ZFYVE28: variants seen among roughly 807,000 people sequenced by gnomAD.
ZFYVE28 encodes zinc finger FYVE-type containing 28.
A neutral mutation model predicts 82.1 loss-of-function variants in ZFYVE28; 40 were observed. That is an observed-to-expected ratio of 0.49 (90% CI 0.38 to 0.63). The LOEUF (loss-of-function observed/expected upper bound fraction) is 0.63. Among genes scored for constraint, ZFYVE28 ranks in the 30% least tolerant of loss-of-function variants. The pLI, the probability that ZFYVE28 is intolerant of heterozygous loss-of-function variation, is 0.00. For synonymous variants in ZFYVE28, 612 were observed against 546.1 expected, an observed-to-expected ratio of 1.12 and a Z score of -1.68; for missense variants, 1,321 against 1,242.1, an observed-to-expected ratio of 1.06 and a Z score of -0.96.
intron 1 of ZFYVE28, chr4:2,365,020 G>A (rs1726695523): frequency 4.1e-6 from 2 of 487,322 alleles, no homozygotes; most frequent in Non-Finnish European, 5.3e-6. Flanking sequence ...CCCCGCACGC[G>A]GAAGTGGGGG....
At chr4:2,318,174 C>T (rs1286596350) in intron 7 of ZFYVE28, among the ~76,000 whole-genome samples, 3 of 152,182 alleles carry the variant, frequency 2.0e-5, no homozygotes, top group Non-Finnish European at 2.9e-5. Flanking sequence ...GAAGAACAGC[C>T]AAGTAGACTG....
chr4:2,313,653 G>A (rs894891272), intron 7 of ZFYVE28, among the ~76,000 whole-genome samples: 8 of 152,084 alleles, frequency 5.3e-5, no homozygotes, highest in Non-Finnish European at 5.9e-5. Flanking sequence ...ATCATTTGAG[G>A]TCAGGAGTTC....
chr4:2,271,340 G>A lies in ZFYVE28; in HGVS notation c.2503C>T (p.Arg835Trp), dbSNP rs369109308. ...ACKAPFTVIR[R>W]KHHCRSCGKI... Reference sequence around the variant, plus strand: ...CCACAGCTGCGGCAGTGGTGCTTCCGGCGGATGACGGTGAAGGGTGCTTTG... The same window carrying A: ...CCACAGCTGCGGCAGTGGTGCTTCCAGCGGATGACGGTGAAGGGTGCTTTG... The change falls in exon 12 of 13, where the codon CGG becomes TGG. Residue 835 changes from arginine to tryptophan, a missense_variant. Arg to Trp is a moderately radical substitution (Grantham distance 101). This residue lies in a region of ZFYVE28 where 978 missense variants were observed against 833.7 expected (regional missense o/e 1.17). Coordinates refer to ENST00000290974, the MANE Select transcript of ZFYVE28 (RefSeq NM_020972.3). The A allele has an allele frequency of 4.3e-6, 7 of 1,612,818 alleles. No individual in the cohort carries two copies. Among genetic ancestry groups the A allele is most frequent in the Non-Finnish European group, 5.9e-6 (7 of 1,179,978 alleles).
intron 1 of ZFYVE28, among the ~76,000 whole-genome samples, chr4:2,370,002 C>A (rs1578284492): frequency 6.6e-6 from 1 of 151,600 alleles, no homozygotes; most frequent in East Asian, 1.9e-4. Flanking sequence ...AGGAGTGCAT[C>A]ACCAAGCTCG....
chr4:2,369,589 C>T (rs1303056738), intron 1 of ZFYVE28, among the ~76,000 whole-genome samples: 1 of 152,092 alleles, frequency 6.6e-6, no homozygotes, highest in Non-Finnish European at 1.5e-5. Flanking sequence ...CCTGGACTCT[C>T]TGGGTGGGCC....
rs1238174654 is a variant in ZFYVE28 at position 2,332,493 on chromosome 4, C to A, written c.701+3212G>T. Among the ~76,000 whole-genome samples, 4 of 152,206 alleles carry A rather than the reference C, an allele frequency of 2.6e-5. No homozygotes were observed. The highest frequency in any genetic ancestry group is 5.9e-5 in the Non-Finnish European group (4 of 68,018). ...CTGTCCACCCCATGGGGTCCCTGCA[C>A]TGAGTCCCCCTTCCAGCATCCAGAA... is the stretch of plus-strand genomic sequence containing the variant. On this transcript the variant is annotated intron_variant, in intron 6 of 12. Transcript: ENST00000290974. This position sits in a 1 kb window ranked among gnomAD's most constrained non-coding sequence, Gnocchi z 4.7.
rs56987138 is a variant in ZFYVE28, at chr4:2,408,835, TCCAC to T, written c.39+9446_39+9449del. On this transcript the variant is annotated intron_variant, in intron 1 of 12. Coordinates refer to ENST00000290974, the MANE Select transcript of ZFYVE28 (RefSeq NM_020972.3). This position sits in a 1 kb window ranked among gnomAD's most constrained non-coding sequence, Gnocchi z 4.3. ...AGGTGAGCCCCGCCCCACGGGCTGA[TCCAC>T]CCAATCCTGACGTGGGGCAGCAGTG... is the stretch of plus-strand genomic sequence containing the variant. Among the ~76,000 whole-genome samples, 4,390 of 152,268 alleles carry T rather than the reference TCCAC, an allele frequency of 0.029. 206 individuals are homozygous for T. Among genetic ancestry groups the T allele is most frequent in the African/African-American group, 0.1 (4,183 of 41,528 alleles).
At chr4:2,276,818 C>G (rs1193028657) in intron 8 of ZFYVE28, among the ~76,000 whole-genome samples, 1 of 151,496 alleles carries the variant, frequency 6.6e-6, no homozygotes, top group Non-Finnish European at 1.5e-5. Flanking sequence ...GGCGGGGAGT[C>G]GGGGGGAGTG....
rs1722817734 is a variant in ZFYVE28, at chr4:2,341,624, G to A, written c.181-9C>T. 1.3e-6 allele frequency: 2 copies of A among 1,598,060 alleles called. No individual in the cohort carries two copies. The highest frequency in any genetic ancestry group is 2.7e-5 in the African/African-American group (2 of 74,786). ...ATGTTCAACACATTGTCCTGAAACA[G>A]AAGACAGGAGAAAGTGCGCCAATCG... On this transcript the variant is annotated splice_polypyrimidine_tract_variant and intron_variant, in intron 2 of 12. Transcript: ENST00000290974. The surrounding 1 kb of genome is among the most constrained non-coding windows in gnomAD (Gnocchi z 4.5).
chr4:2,398,722 CAAGATCGAGGG>C (rs1560338106), intron 1 of ZFYVE28, among the ~76,000 whole-genome samples: 2,202 of 6,808 alleles, frequency 0.32, 915 homozygotes, highest in Admixed American at 0.51. Context: ...CAAGCGGGGG[CAAGATCGAGGG>C]CACAAGGGGG....
At chr4:2,308,683 G>GAAAGAGAAAGAAAGA (rs1553830775) in intron 7 of ZFYVE28, among the ~76,000 whole-genome samples, 5,631 of 80,276 alleles carry the variant, frequency 0.07, 264 homozygotes, top group Middle Eastern at 0.08. Context: ...GAAAGAGAAA[G>GAAAGAGAAAGAAAGA]AAAGAAAAGA....
chr4:2,404,815 G>T (rs946371260), intron 1 of ZFYVE28, among the ~76,000 whole-genome samples: 1 of 150,174 alleles, frequency 6.7e-6, no homozygotes, highest in Non-Finnish European at 1.5e-5. Context: ...GCTTTCAATG[G>T]TTACCTATAT....
At chr4:2,354,679 G>A (rs182436929) in intron 1 of ZFYVE28, among the ~76,000 whole-genome samples, 4 of 151,992 alleles carry the variant, frequency 2.6e-5, no homozygotes, top group Non-Finnish European at 1.5e-5. Context: ...GGCTAGTCTC[G>A]AACTCCTGAC....
intron 1 of ZFYVE28, among the ~76,000 whole-genome samples, chr4:2,366,590 A>G (rs545214359): frequency 6.6e-6 from 1 of 152,256 alleles, no homozygotes; most frequent in Non-Finnish European, 1.5e-5. Context: ...TACTCAGCTC[A>G]GTGGAGTGTT....
intron 1 of ZFYVE28, chr4:2,364,626 G>A: frequency 1.0e-6 from 1 of 985,538 alleles, no homozygotes; most frequent in South Asian, 4.7e-5. Context: ...TGTCCCCTCT[G>A]ATTAGCATCT....
intron 1 of ZFYVE28, among the ~76,000 whole-genome samples, chr4:2,374,928 G>C (rs1727956939): frequency 6.6e-6 from 1 of 152,194 alleles, no homozygotes; most frequent in South Asian, 2.1e-4. Flanking sequence ...CATGTCCCCT[G>C]TTGGCACCTG....
intron 2 of ZFYVE28, among the ~76,000 whole-genome samples, chr4:2,352,446 G>A (rs1320491412): frequency 1.3e-5 from 2 of 151,944 alleles, no homozygotes; most frequent in East Asian, 3.9e-4. Context: ...AGGGAAGAAG[G>A]GTCACAAAGG....
intron 7 of ZFYVE28, among the ~76,000 whole-genome samples, chr4:2,319,519 C>T (rs1036181880): frequency 6.6e-6 from 1 of 152,184 alleles, no homozygotes; most frequent in East Asian, 1.9e-4. Context: ...TTGCAGTGAT[C>T]AGGGGCCGTG....
At chr4:2,399,032 G>GGGTGAGATCCAGGGCACAAGCGGGGA (rs1560338660) in intron 1 of ZFYVE28, among the ~76,000 whole-genome samples, 2 of 50,340 alleles carry the variant, frequency 4.0e-5, no homozygotes, top group Non-Finnish European at 9.7e-5. Flanking sequence ...GCACAAGGTG[G>GGGTGAGATCCAGGGCACAAGCGGGGA]GGTGAGATCC....
Sources: allele counts gnomAD v4.1 joint callset (sites outside exome capture counted in the v4.1 genomes callset), GRCh38; gene constraint gnomAD v4.1.1; regional missense constraint gnomAD v4.1.1; non-coding constraint Gnocchi (gnomAD v3.1); transcripts MANE v1.5; gene names NCBI Gene and HGNC (gene_info 2026-07-23, HGNC 2026-07-21).